The following PHLPP1 variants were observed in gnomAD, a reference collection of about 807,000 sequenced individuals.
PHLPP1 encodes the protein PH domain leucine-rich repeat-containing protein phosphatase 1.
In PHLPP1, 42 loss-of-function variants were observed where a neutral mutation model predicts 117.2. The observed-to-expected ratio is 0.36, with a 90% confidence interval of 0.28 to 0.46. The LOEUF (loss-of-function observed/expected upper bound fraction) is 0.46. Among genes scored for constraint, PHLPP1 ranks in the 20% least tolerant of loss-of-function variants. The pLI is 1.00. For synonymous variants in PHLPP1, 1,042 were observed against 970.7 expected (o/e 1.07, Z -1.37); for missense variants, 2,084 against 2,241.9 (o/e 0.93, Z 1.42).
rs1355251891 is a variant in PHLPP1, at chr18:62,720,204, G to A, written c.1576+2945G>A. 2.6e-5 allele frequency among the ~76,000 whole-genome samples: 4 copies of A among 152,062 alleles called. No individual in the cohort carries two copies. The East Asian group carries it at 5.8e-4, about 22-fold the overall frequency. On this transcript the variant is annotated intron_variant, in intron 1 of 16. Coordinates refer to ENST00000262719, the MANE Select transcript of PHLPP1 (RefSeq NM_194449.4). Reference sequence around the variant, plus strand: ...AAAATTCAAGAACTTAAGGTTGCTCGACATAAGTTATGGACTCCTAAACAT... The same window carrying A: ...AAAATTCAAGAACTTAAGGTTGCTCAACATAAGTTATGGACTCCTAAACAT...
At chr18:62,848,807 T>C (rs1915249372) in intron 3 of PHLPP1, among the ~76,000 whole-genome samples, 1 of 152,188 alleles carries the variant, frequency 6.6e-6, no homozygotes, top group African/African-American at 2.4e-5. Flanking sequence ...TCTTAGATAT[T>C]ATTATCCCCA....
chr18:62,898,599 G>T (rs558825788), intron 6 of PHLPP1, among the ~76,000 whole-genome samples: 1 of 152,094 alleles, frequency 6.6e-6, no homozygotes, highest in East Asian at 1.9e-4. Flanking sequence ...CTCTATCTCT[G>T]AGCTGCTCAT....
chr18:62,916,660 A>G (rs1909287123), intron 9 of PHLPP1, among the ~76,000 whole-genome samples: 1 of 149,692 alleles, frequency 6.7e-6, no homozygotes, highest in Admixed American at 6.7e-5. Flanking sequence ...GTAGAGGAAC[A>G]GGAAAAATGA....
intron 1 of PHLPP1, among the ~76,000 whole-genome samples, chr18:62,762,165 A>G (rs1912265854): frequency 6.6e-6 from 1 of 151,876 alleles, no homozygotes. Context: ...GACTGTCTGC[A>G]TTTGTAAAGC....
At chr18:62,920,243 G>T in intron 10 of PHLPP1, 129 bp downstream of exon 10, 3 of 925,072 alleles carry the variant, frequency 3.2e-6, no homozygotes. Context: ...GAAGGAAATA[G>T]TTTTGCCAGC....
At chr18:62,807,841 G>A (rs534854276) in intron 1 of PHLPP1, among the ~76,000 whole-genome samples, 5 of 152,274 alleles carry the variant, frequency 3.3e-5, no homozygotes, top group African/African-American at 4.8e-5. Context: ...TTTGCAGGCC[G>A]GGAATTGCTT....
chr18:62,843,711 T>C (rs973788571), intron 3 of PHLPP1, among the ~76,000 whole-genome samples: 2 of 152,216 alleles, frequency 1.3e-5, no homozygotes, highest in Non-Finnish European at 2.9e-5. Flanking sequence ...CCTCCTATTA[T>C]ATACAGTGTA....
At chr18:62,887,429 T>C (rs1916311502) in intron 4 of PHLPP1, among the ~76,000 whole-genome samples, 1 of 152,202 alleles carries the variant, frequency 6.6e-6, no homozygotes, top group South Asian at 2.1e-4. Flanking sequence ...CAATTTACCT[T>C]AGAGTGGATA....
intron 12 of PHLPP1, among the ~76,000 whole-genome samples, chr18:62,957,567 T>G (rs1353290133): frequency 6.6e-6 from 1 of 152,078 alleles, no homozygotes; most frequent in East Asian, 1.9e-4. Context: ...TTACCTGCCT[T>G]TTCCTCATTT....
chr18:62,816,743 T>A (rs1048221832), intron 1 of PHLPP1, among the ~76,000 whole-genome samples: 14 of 152,216 alleles, frequency 9.2e-5, no homozygotes, highest in African/African-American at 3.4e-4. Flanking sequence ...ATATTTTTTG[T>A]CTACTTGTAC....
At chr18:62,868,174 TTTTTC>T (rs1469142431) in intron 4 of PHLPP1, among the ~76,000 whole-genome samples, 1 of 152,156 alleles carries the variant, frequency 6.6e-6, no homozygotes, top group Non-Finnish European at 1.5e-5. Flanking sequence ...CTTGATAACT[TTTTTC>T]TTTTCAATTT....
chr18:62,912,890 G>A (rs1227132021), intron 8 of PHLPP1, among the ~76,000 whole-genome samples: 1 of 152,160 alleles, frequency 6.6e-6, no homozygotes, highest in African/African-American at 2.4e-5. Context: ...CAAAGGGCTG[G>A]GATTATAGGC....
At chr18:62,866,208 G>T (rs1915767104) in intron 4 of PHLPP1, among the ~76,000 whole-genome samples, 1 of 151,256 alleles carries the variant, frequency 6.6e-6, no homozygotes, top group East Asian at 1.9e-4. Context: ...TCTTTAAAAA[G>T]AAAAATGAGA....
chr18:62,772,162 A>G (rs1183551775), intron 1 of PHLPP1, among the ~76,000 whole-genome samples: 1 of 152,224 alleles, frequency 6.6e-6, no homozygotes, highest in South Asian at 2.1e-4. Flanking sequence ...AACTGTGTTC[A>G]GTGAAAGCTA....
intron 1 of PHLPP1, among the ~76,000 whole-genome samples, chr18:62,827,453 AG>A (rs1170687300): frequency 1.3e-5 from 2 of 152,230 alleles, no homozygotes; most frequent in Non-Finnish European, 2.9e-5. Flanking sequence ...TTGTAGAACA[AG>A]GAAGTCTGTT....
intron 4 of PHLPP1, among the ~76,000 whole-genome samples, chr18:62,883,054 G>A (rs144205469): frequency 2.6e-5 from 4 of 151,824 alleles, no homozygotes; most frequent in Non-Finnish European, 4.4e-5. Flanking sequence ...AACATTTCTT[G>A]TAAAACATGT....
At chr18:62,872,181 A>C (rs1915921496) in intron 4 of PHLPP1, among the ~76,000 whole-genome samples, 6 of 152,200 alleles carry the variant, frequency 3.9e-5, no homozygotes, top group Admixed American at 3.9e-4. Context: ...GAAGTGACAA[A>C]ATCTAAGTGC....
intron 1 of PHLPP1, among the ~76,000 whole-genome samples, chr18:62,743,310 T>G (rs1299664736): frequency 3.3e-5 from 5 of 151,972 alleles, no homozygotes; most frequent in Admixed American, 2.0e-4. Flanking sequence ...TTTTTAGAAT[T>G]TTTTTTTATT....
chr18:62,722,688 C>T (rs1485444396), intron 1 of PHLPP1, among the ~76,000 whole-genome samples: 2 of 152,216 alleles, frequency 1.3e-5, no homozygotes, highest in East Asian at 3.9e-4. Context: ...CATATGAATT[C>T]ATTAGATATA....
Sources: gnomAD v4.1 joint callset for allele counts (sites outside exome capture counted in the v4.1 genomes callset) on GRCh38, gnomAD v4.1.1 for gene constraint, MANE v1.5 for transcripts, NCBI Gene and HGNC (gene_info 2026-07-23, HGNC 2026-07-21) for gene names.